The following NPAS3 variants were observed in gnomAD, a reference collection of about 807,000 sequenced individuals.
NPAS3 encodes the protein neuronal PAS domain protein 3.
A neutral mutation model predicts 73.1 loss-of-function variants in NPAS3; 14 were observed. The ratio of observed to expected loss-of-function variants is 0.19; its 90% CI spans 0.13 to 0.30. The LOEUF is 0.30. Among genes scored for constraint, NPAS3 ranks in the 10% least tolerant of loss-of-function variants. The probability of loss-of-function intolerance (pLI) is 1.00; values close to 1 mark genes in which losing one functional copy is unlikely to be tolerated. For missense variants in NPAS3, 1,096 were observed against 1,250.0 expected (o/e 0.88, Z 1.86); for synonymous variants, 620 against 541.5 (o/e 1.14, Z -2.01).
intron 4 of NPAS3, among the ~76,000 whole-genome samples, chr14:33,460,699 T>C (rs913342648): frequency 3.3e-5 from 5 of 152,236 alleles, no homozygotes; most frequent in African/African-American, 1.2e-4. Flanking sequence ...TAGCAATTCC[T>C]TTTACTGTTG....
intron 3 of NPAS3, among the ~76,000 whole-genome samples, chr14:33,247,378 T>A (rs979308574): frequency 2.6e-5 from 4 of 152,208 alleles, no homozygotes; most frequent in Admixed American, 6.5e-5. Flanking sequence ...TTTACATTAC[T>A]TTTTTTCTGA....
chr14:33,235,840 G>A (rs191623422), intron 3 of NPAS3, among the ~76,000 whole-genome samples: 1 of 124,008 alleles, frequency 8.1e-6, no homozygotes, highest in East Asian at 2.4e-4. Flanking sequence ...GAGACAGGGT[G>A]TTGCTCTGTC....
intron 2 of NPAS3, among the ~76,000 whole-genome samples, chr14:33,160,193 A>T (rs73270551): frequency 0.061 from 9,252 of 152,226 alleles, 286 homozygotes; most frequent in South Asian, 0.086. Context: ...AAACCTAGAT[A>T]CAAATCCAGG....
At chr14:33,451,113 T>A (rs1328855187) in intron 4 of NPAS3, among the ~76,000 whole-genome samples, 1 of 152,246 alleles carries the variant, frequency 6.6e-6, no homozygotes, top group Non-Finnish European at 1.5e-5. Context: ...ATATTTTATC[T>A]CTGTGTTTTC....
At chr14:33,168,460 C>T (rs183991975) in intron 2 of NPAS3, among the ~76,000 whole-genome samples, 1 of 152,312 alleles carries the variant, frequency 6.6e-6, no homozygotes, top group Admixed American at 6.5e-5. Flanking sequence ...ATTCCAAAGA[C>T]AGGGGCCTGT....
At chr14:33,676,183 C>G (rs779358877) in intron 5 of NPAS3, 28 bp from the exon 6 acceptor site, 1 of 1,611,188 alleles carries the variant, frequency 6.2e-7, no homozygotes, top group South Asian at 1.1e-5. Context: ...TAATGTCTTT[C>G]CTTCCCACCC....
At chr14:33,166,209 A>G (rs1391269709) in intron 2 of NPAS3, among the ~76,000 whole-genome samples, 1 of 152,048 alleles carries the variant, frequency 6.6e-6, no homozygotes, top group Admixed American at 6.5e-5. Flanking sequence ...AATAATGTTT[A>G]ATCAAGGGGC....
intron 2 of NPAS3, among the ~76,000 whole-genome samples, chr14:33,113,132 A>G (rs1389341714): frequency 6.6e-6 from 1 of 152,108 alleles, no homozygotes; most frequent in Non-Finnish European, 1.5e-5. Flanking sequence ...TTGGCTTAGG[A>G]TTGACTTGGC....
intron 4 of NPAS3, among the ~76,000 whole-genome samples, chr14:33,458,695 C>T (rs1300268909): frequency 6.6e-6 from 1 of 152,084 alleles, no homozygotes; most frequent in Non-Finnish European, 1.5e-5. Context: ...AAACTGTATG[C>T]TTTGTGTTAT....
At chr14:33,377,001 T>C (rs1035128925) in intron 4 of NPAS3, among the ~76,000 whole-genome samples, 3 of 152,220 alleles carry the variant, frequency 2.0e-5, no homozygotes, top group Non-Finnish European at 4.4e-5. Context: ...TCAGAAACTT[T>C]ATTACTTCAG....
intron 4 of NPAS3, among the ~76,000 whole-genome samples, chr14:33,512,913 G>A (rs2053126074): frequency 6.6e-6 from 1 of 151,978 alleles, no homozygotes; most frequent in South Asian, 2.1e-4. Flanking sequence ...AAATTTAGAA[G>A]GTTTTGAAAA....
intron 5 of NPAS3, among the ~76,000 whole-genome samples, chr14:33,629,556 G>T (rs1595312968): frequency 6.7e-6 from 1 of 150,128 alleles, no homozygotes; most frequent in Non-Finnish European, 1.5e-5. Context: ...CTCCTCAATG[G>T]TTTTTTTTGT....
chr14:33,625,376 T>C (rs943045249), intron 5 of NPAS3, among the ~76,000 whole-genome samples: 5 of 152,208 alleles, frequency 3.3e-5, no homozygotes, highest in Admixed American at 2.0e-4. Context: ...GGGAAATATC[T>C]TTCCTTTGCT....
exon 9 of NPAS3, chr14:33,778,555 G>A (rs1319677898): frequency 1.2e-6 from 2 of 1,613,246 alleles, no homozygotes; most frequent in African/African-American, 1.3e-5. Flanking sequence ...GAGGGCATCA[G>A]GCACAGTCAC....
At chr14:32,991,431 C>A (rs1248501786) in intron 1 of NPAS3, among the ~76,000 whole-genome samples, 1 of 152,110 alleles carries the variant, frequency 6.6e-6, no homozygotes, top group Admixed American at 6.5e-5. Context: ...CCATAGTTTG[C>A]CCAATAACAC....
intron 2 of NPAS3, among the ~76,000 whole-genome samples, chr14:33,173,648 T>C (rs2045479178): frequency 6.6e-6 from 1 of 152,198 alleles, no homozygotes; most frequent in South Asian, 2.1e-4. Flanking sequence ...ATAATTACAG[T>C]GTATGTTTAA....
chr14:33,676,879 A>C (rs2059784673), intron 6 of NPAS3, among the ~76,000 whole-genome samples: 1 of 152,164 alleles, frequency 6.6e-6, no homozygotes, highest in Non-Finnish European at 1.5e-5. Context: ...TAAAAAGAAA[A>C]CAGAAATGGC....
intron 5 of NPAS3, among the ~76,000 whole-genome samples, chr14:33,597,232 T>C: frequency 6.6e-6 from 1 of 152,228 alleles, no homozygotes; most frequent in East Asian, 1.9e-4. Context: ...TGTGAGCTAC[T>C]TTCACAGCCG....
intron 4 of NPAS3, among the ~76,000 whole-genome samples, chr14:33,548,102 G>T (rs1467179454): frequency 6.6e-6 from 1 of 152,200 alleles, no homozygotes. Flanking sequence ...ATCCCTTCAT[G>T]CAATCGTTGT....
Sources: gnomAD v4.1 joint callset for allele counts (sites outside exome capture counted in the v4.1 genomes callset) on GRCh38, gnomAD v4.1.1 for gene constraint, MANE v1.5 for transcripts, NCBI Gene and HGNC (gene_info 2026-07-23, HGNC 2026-07-21) for gene names.